PTPRD: variants seen among roughly 807,000 people sequenced by gnomAD.
PTPRD encodes receptor-type tyrosine-protein phosphatase delta.
PTPRD carries 34 observed loss-of-function variants against 214.5 expected under a neutral mutation model. The observed-to-expected ratio is 0.16, with a 90% CI of 0.12 to 0.21. The LOEUF (loss-of-function observed/expected upper bound fraction) is 0.21. PTPRD is among the 10% of genes least tolerant of loss of function. The pLI is 1.00. For missense variants in PTPRD, 2,545 were observed against 2,398.7 expected (o/e 1.06, Z -1.27); for synonymous variants, 1,128 against 845.7 (o/e 1.33, Z -5.79).
chr9:8,411,169 G>T (rs981312912), intron 35 of PTPRD, among the ~76,000 whole-genome samples: 1 of 151,992 alleles, frequency 6.6e-6, no homozygotes, highest in Non-Finnish European at 1.5e-5. Context: ...ATTTTAGTGT[G>T]TGACTGTAGA....
intron 2 of PTPRD, among the ~76,000 whole-genome samples, chr9:10,380,364 G>C (rs2097795680): frequency 6.6e-6 from 1 of 151,988 alleles, no homozygotes; most frequent in South Asian, 2.1e-4. Context: ...CAAATCTTAA[G>C]AATAAAATAT....
intron 6 of PTPRD, among the ~76,000 whole-genome samples, chr9:9,759,323 C>T (rs2098628399): frequency 6.6e-6 from 1 of 152,048 alleles, no homozygotes. Context: ...GCCGCAAACC[C>T]CAGCCCCTAG....
chr9:8,599,502 T>G (rs2094684989), intron 14 of PTPRD, among the ~76,000 whole-genome samples: 1 of 152,140 alleles, frequency 6.6e-6, no homozygotes, highest in Non-Finnish European at 1.5e-5. Flanking sequence ...ATACTTTTTT[T>G]TCTTAATTCA....
intron 7 of PTPRD, among the ~76,000 whole-genome samples, chr9:9,684,125 G>A (rs2097126124): frequency 6.6e-6 from 1 of 151,374 alleles, no homozygotes; most frequent in South Asian, 2.1e-4. Flanking sequence ...TCAACAAAAA[G>A]GCAGCCTGAA....
intron 2 of PTPRD, among the ~76,000 whole-genome samples, chr9:10,432,570 C>T (rs531400524): frequency 1.3e-5 from 2 of 152,084 alleles, no homozygotes; most frequent in South Asian, 4.1e-4. Context: ...ACATTCTTTT[C>T]TTTCTCTCAA....
intron 10 of PTPRD, among the ~76,000 whole-genome samples, chr9:9,162,882 G>A (rs1400513643): frequency 6.6e-6 from 1 of 152,012 alleles, no homozygotes; most frequent in African/African-American, 2.4e-5. Flanking sequence ...AAGCTTACAT[G>A]TTGCGAAATG....
At chr9:8,765,770 C>G (rs1241271079) in intron 11 of PTPRD, among the ~76,000 whole-genome samples, 2 of 152,180 alleles carry the variant, frequency 1.3e-5, no homozygotes, top group South Asian at 2.1e-4. Flanking sequence ...AAGCTAACTA[C>G]TACAATTTGT....
chr9:9,992,420 T>A (rs551296233), intron 4 of PTPRD, among the ~76,000 whole-genome samples: 7 of 152,292 alleles, frequency 4.6e-5, no homozygotes, highest in Non-Finnish European at 8.8e-5. Context: ...GAACTAGAAA[T>A]TCCATTTGAC....
At chr9:9,652,683 C>T (rs538439776) in intron 7 of PTPRD, among the ~76,000 whole-genome samples, 40 of 151,210 alleles carry the variant, frequency 2.6e-4, no homozygotes, top group African/African-American at 9.5e-4. Context: ...GGCACGATCT[C>T]GGCTCACTGC....
chr9:8,951,846 C>T (rs1471197640), intron 11 of PTPRD, among the ~76,000 whole-genome samples: 2 of 152,042 alleles, frequency 1.3e-5, no homozygotes, highest in Non-Finnish European at 2.9e-5. Flanking sequence ...TCCATTCACA[C>T]AGCAGTGAAA....
chr9:8,435,993 G>A (rs879556343), intron 35 of PTPRD, among the ~76,000 whole-genome samples: 15 of 152,108 alleles, frequency 9.9e-5, no homozygotes, highest in Non-Finnish European at 1.6e-4. Context: ...CTTAATCTTC[G>A]TAATCTTTCT....
At chr9:9,441,168 A>G (rs1180908244) in intron 8 of PTPRD, among the ~76,000 whole-genome samples, 1 of 152,150 alleles carries the variant, frequency 6.6e-6, no homozygotes, top group Non-Finnish European at 1.5e-5. Flanking sequence ...CAAAGATGCT[A>G]TCAACTGAGC....
rs1307831319 is a variant in PTPRD at position 8,647,427 on chromosome 9, A to G, written c.65-10583T>C. ...AAGAAAGAGGTTATATCGTACCATT[A>G]TTTTGTAACCAACGTTTCATTTAGA... On this transcript the variant is annotated intron_variant, in intron 12 of 45. Transcript: ENST00000381196. Among the ~76,000 whole-genome samples, 4 of 152,270 alleles carry G rather than the reference A, an allele frequency of 2.6e-5. No individual in the cohort carries two copies. In the East Asian group the frequency reaches 7.7e-4, roughly 29 times the overall value.
intron 8 of PTPRD, among the ~76,000 whole-genome samples, chr9:9,550,537 A>C (rs2079950202): frequency 6.7e-6 from 1 of 148,868 alleles, no homozygotes; most frequent in Middle Eastern, 3.6e-3. Context: ...TATGTATAGT[A>C]TAGCATATAT....
At chr9:10,305,383 C>CAAAAAAA (rs532681794) in intron 3 of PTPRD, among the ~76,000 whole-genome samples, 1 of 75,880 alleles carries the variant, frequency 1.3e-5, no homozygotes, top group Non-Finnish European at 2.9e-5. Flanking sequence ...AAAGCAATGG[C>CAAAAAAA]AAAAAAAAAA....
intron 5 of PTPRD, among the ~76,000 whole-genome samples, chr9:9,912,426 T>C (rs1179382388): frequency 1.3e-5 from 2 of 152,206 alleles, no homozygotes; most frequent in Admixed American, 6.5e-5. Context: ...CCACTATTTC[T>C]CTGGGGTTAT....
chr9:10,374,433 G>C (rs1392150770), intron 2 of PTPRD, among the ~76,000 whole-genome samples: 2 of 152,022 alleles, frequency 1.3e-5, no homozygotes, highest in African/African-American at 4.8e-5. Context: ...TTCAGGGAAA[G>C]GCTAATGCAA....
At chr9:8,705,734 T>C (rs2098192346) in intron 12 of PTPRD, among the ~76,000 whole-genome samples, 1 of 152,212 alleles carries the variant, frequency 6.6e-6, no homozygotes, top group Non-Finnish European at 1.5e-5. Flanking sequence ...GTAGAAAATG[T>C]CTTTATAATT....
intron 11 of PTPRD, among the ~76,000 whole-genome samples, chr9:8,858,830 T>TAC (rs2098025573): frequency 4.5e-5 from 3 of 67,256 alleles, no homozygotes; most frequent in East Asian, 6.3e-4. Context: ...CACACACACA[T>TAC]ACACACACAC....
Sources: gnomAD v4.1 joint callset for allele counts (sites outside exome capture counted in the v4.1 genomes callset) on GRCh38, gnomAD v4.1.1 for gene constraint, MANE v1.5 for transcripts, NCBI Gene and HGNC (gene_info 2026-07-23, HGNC 2026-07-21) for gene names.